MOV10L1: variants seen among roughly 807,000 people sequenced by gnomAD.
The protein encoded by MOV10L1 is Mov10 like RNA helicase 1.
A neutral mutation model predicts 143.8 loss-of-function variants in MOV10L1; 110 were observed. The ratio of observed to expected loss-of-function variants is 0.76; its 90% CI spans 0.66 to 0.90. The LOEUF is 0.90. Ranked by LOEUF, MOV10L1 falls within the 40% of genes least tolerant of loss-of-function variation. MOV10L1 has a pLI of 0.00. For missense variants in MOV10L1, 1,406 were observed against 1,526.8 expected (o/e 0.92, Z 1.32); for synonymous variants, 593 against 581.1 (o/e 1.02, Z -0.29).
intron 3 of MOV10L1, among the ~76,000 whole-genome samples, chr22:50,106,510 A>G (rs1263797011): frequency 1.3e-5 from 2 of 151,924 alleles, no homozygotes; most frequent in East Asian, 3.8e-4. Flanking sequence ...TCTTTAAAGT[A>G]ACTGTACAAC....
intron 9 of MOV10L1, 40 bp from the exon 10 acceptor site, chr22:50,120,462 A>G (rs1305819765): frequency 9.9e-6 from 13 of 1,319,072 alleles, no homozygotes; most frequent in Non-Finnish European, 6.5e-6. Context: ...ATACCTGGTG[A>G]TAAAGACTTA....
At chr22:50,111,486 CTTTTTTTTTTTT>C (rs529438045) in intron 5 of MOV10L1, among the ~76,000 whole-genome samples, 3 of 59,156 alleles carry the variant, frequency 5.1e-5, no homozygotes, top group African/African-American at 1.5e-4. Flanking sequence ...TCTGTCTTTG[CTTTTTTTTTTTT>C]TTTTTTTTTT....
intron 13 of MOV10L1, among the ~76,000 whole-genome samples, chr22:50,130,929 T>C (rs1602262044): frequency 6.6e-6 from 1 of 152,126 alleles, no homozygotes; most frequent in South Asian, 2.1e-4. Context: ...CGGAGTCTCG[T>C]TCTGTTACCC....
chr22:50,148,313 G>A (rs767899789), intron 19 of MOV10L1, among the ~76,000 whole-genome samples: 11 of 152,212 alleles, frequency 7.2e-5, no homozygotes, highest in Non-Finnish European at 1.5e-4. Flanking sequence ...CAGGGAAGCC[G>A]GGGCACCTGT....
chr22:50,090,113 G>T lies in MOV10L1; in HGVS notation c.25G>T (p.Val9Leu). 1 of 1,367,720 alleles carries T rather than the reference G, an allele frequency of 7.3e-7. No individual in the cohort carries two copies. The highest frequency in any genetic ancestry group is 9.4e-7 in the Non-Finnish European group (1 of 1,060,706). The allele number at this position is 1,367,720 out of a possible 1,614,324, so 84.7% of individuals were successfully genotyped here. The change falls in exon 1 of 27, where the codon GTG becomes TTG. Residue 9 changes from valine to leucine, a missense_variant. By Grantham distance (32) the Val-to-Leu change is conservative (BLOSUM62 1). This residue lies in a region of MOV10L1 where 166 missense variants were observed against 153.9 expected (regional missense o/e 1.08). Coordinates refer to ENST00000262794, the MANE Select transcript of MOV10L1 (RefSeq NM_018995.3). MLSLAAKL[V>L]AFFWRTADTP... is the part of the protein sequence containing the mutation. ...CATGCTGAGCCTCGCAGCCAAGCTGGTGGCCTTCTTCTGGAGGACGGCGGA... is the reference window on the plus strand; with the variant it reads ...CATGCTGAGCCTCGCAGCCAAGCTGTTGGCCTTCTTCTGGAGGACGGCGGA...
Position 50,158,259 on chromosome 22 carries a change from C to T in MOV10L1, c.3216+53C>T. Reference sequence around the variant, plus strand: ...CTGTGAGGTCCCTGCAGCCCTGCTCCTTGGCTCCTGCAGCTCCACAGAGGC... The same window carrying T: ...CTGTGAGGTCCCTGCAGCCCTGCTCTTTGGCTCCTGCAGCTCCACAGAGGC... On this transcript the variant is annotated intron_variant, in intron 23 of 26. Transcript: ENST00000262794. This position sits in a 1 kb window ranked among gnomAD's most constrained non-coding sequence, Gnocchi z 5.0. The T allele has an allele frequency of 1.2e-6, 2 of 1,605,182 alleles. No homozygotes were observed. The highest frequency in any genetic ancestry group is 8.5e-7 in the Non-Finnish European group (1 of 1,174,488).
intron 8 of MOV10L1, among the ~76,000 whole-genome samples, chr22:50,116,850 C>A (rs1215440550): frequency 6.6e-6 from 1 of 151,802 alleles, no homozygotes; most frequent in African/African-American, 2.4e-5. Flanking sequence ...GAGACAGGTT[C>A]ATCCTATATT....
At chr22:50,134,431 G>T in intron 14 of MOV10L1, 99 bp from the exon 15 acceptor site, 1 of 888,624 alleles carries the variant, frequency 1.1e-6, no homozygotes, top group Non-Finnish European at 1.8e-6. Context: ...GAAGGGAATA[G>T]AATATTAATT....
chr22:50,143,315 A>G (rs780029110), intron 17 of MOV10L1, 94 bp downstream of exon 17: 3 of 1,376,990 alleles, frequency 2.2e-6, no homozygotes, highest in African/African-American at 1.4e-5. Flanking sequence ...TTGTAGAATC[A>G]GACAGTTGGA....
At chr22:50,114,096 T>C (rs2062101684) in intron 6 of MOV10L1, among the ~76,000 whole-genome samples, 3 of 151,452 alleles carry the variant, frequency 2.0e-5, no homozygotes, top group African/African-American at 7.3e-5. Context: ...TTTTTTGTAT[T>C]TTTAGTAGAG....
chr22:50,144,077 CTT>C lies in MOV10L1; in HGVS notation c.2359-19_2359-18del. ...CGGTGTGGATGTTGAGCCTTGGTCT[CTT>C]GTGTGTCTTTGATGAAGGTACACTT... On this transcript the variant is annotated intron_variant, in intron 17 of 26. Transcript: ENST00000262794. 6 of 1,600,720 alleles carry C rather than the reference CTT, an allele frequency of 3.7e-6. No individual in the cohort carries two copies. Among genetic ancestry groups the C allele is most frequent in the Non-Finnish European group, 5.1e-6 (6 of 1,168,696 alleles).
intron 6 of MOV10L1, among the ~76,000 whole-genome samples, 153 bp from the exon 7 acceptor site, chr22:50,114,228 T>G (rs2062105813): frequency 6.6e-6 from 1 of 152,190 alleles, no homozygotes; most frequent in Non-Finnish European, 1.5e-5. Context: ...GAAGATCTTT[T>G]CAAAATTTTT....
At chr22:50,109,104 A>G (rs1050017297) in intron 5 of MOV10L1, among the ~76,000 whole-genome samples, 3 of 152,172 alleles carry the variant, frequency 2.0e-5, no homozygotes, top group South Asian at 2.1e-4. Context: ...AGATTGCGCC[A>G]CTGCACTCAG....
At chr22:50,134,656 C>G (rs748662162) in intron 15 of MOV10L1, 26 bp downstream of exon 15, 43 of 1,600,434 alleles carry the variant, frequency 2.7e-5, no homozygotes, top group Non-Finnish European at 1.9e-5. Flanking sequence ...GTGGCTTTCT[C>G]TACACAGGGG....
At chr22:50,100,752 G>A (rs541852879) in intron 3 of MOV10L1, among the ~76,000 whole-genome samples, 3 of 152,204 alleles carry the variant, frequency 2.0e-5, no homozygotes, top group East Asian at 1.9e-4. Context: ...TGATCTGCCC[G>A]CCTTGGCCTC....
chr22:50,117,388 C>T, intron 9 of MOV10L1, 37 bp downstream of exon 9: 1 of 1,599,910 alleles, frequency 6.3e-7, no homozygotes, highest in Non-Finnish European at 8.5e-7. Flanking sequence ...CTTGGTCTGG[C>T]AGTTTTATCT....
At chr22:50,124,114 C>T (rs1286091893) in intron 10 of MOV10L1, among the ~76,000 whole-genome samples, 2 of 151,826 alleles carry the variant, frequency 1.3e-5, no homozygotes, top group Middle Eastern at 6.4e-3. Flanking sequence ...TATTGTTTTT[C>T]AGTTCTCTCT....
chr22:50,135,504 G>A (rs1342272589), intron 15 of MOV10L1, among the ~76,000 whole-genome samples: 2 of 151,788 alleles, frequency 1.3e-5, no homozygotes, highest in Non-Finnish European at 2.9e-5. Context: ...TGTAATCCCA[G>A]CACTTTGGGA....
rs765127772 is a variant in MOV10L1 at position 50,114,377 on chromosome 22, C to T, written c.885-4C>T. ...TGTGTTCATAGTTAATTGTATTTTT[C>T]CAGGAATAAAGGAGACATTCCTCAA... On this transcript the variant is annotated splice_polypyrimidine_tract_variant and splice_region_variant and intron_variant, in intron 6 of 26. Coordinates refer to ENST00000262794, the MANE Select transcript of MOV10L1 (RefSeq NM_018995.3). 1.9e-6 allele frequency: 3 copies of T among 1,610,372 alleles called. No homozygotes were observed. Among genetic ancestry groups the T allele is most frequent in the Non-Finnish European group, 1.7e-6 (2 of 1,177,996 alleles).
Sources: allele counts gnomAD v4.1 joint callset (sites outside exome capture counted in the v4.1 genomes callset), GRCh38; gene constraint gnomAD v4.1.1; regional missense constraint gnomAD v4.1.1; non-coding constraint Gnocchi (gnomAD v3.1); transcripts MANE v1.5; gene names NCBI Gene and HGNC (gene_info 2026-07-23, HGNC 2026-07-21).